Variants in SGF29 observed in about 807,000 individuals in gnomAD.
SGF29 encodes the protein SAGA complex associated factor 29.
Under a neutral mutation model 38.1 loss-of-function variants are expected in SGF29, and 15 were observed. That is an observed-to-expected ratio of 0.39 (90% CI 0.26 to 0.61). The LOEUF is 0.61. Among genes scored for constraint, SGF29 ranks in the 20% least tolerant of loss-of-function variants. The pLI is 0.49. For synonymous variants in SGF29, 151 were observed against 160.8 expected, an observed-to-expected ratio of 0.94 and a Z score of 0.46; for missense variants, 184 against 394.6, an observed-to-expected ratio of 0.47 and a Z score of 4.52.
chr16:28,572,958 G>A lies in SGF29; in HGVS notation c.-15-8097G>A, dbSNP rs1411681814. Among the ~76,000 whole-genome samples, 5 of 151,638 alleles carry A rather than the reference G, an allele frequency of 3.3e-5. No homozygotes were observed. In the South Asian group the frequency reaches 8.3e-4, roughly 25 times the overall value. On this transcript the variant is annotated intron_variant, in intron 1 of 9. Transcript: ENST00000317058. ...GCACCCCCCATACCCCTTCTTGCTC[G>A]CTGGCCTCCCAGCTGTACTCCCAGA...
chr16:28,584,774 G>C (rs1403045871), intron 2 of SGF29, 139 bp from the exon 3 acceptor site: 1 of 574,526 alleles, frequency 1.7e-6, no homozygotes, highest in Non-Finnish European at 3.0e-6. Context: ...GGGCGACAGA[G>C]TGAGACTCCA....
chr16:28,557,462 C>T (rs922295955), intron 1 of SGF29, among the ~76,000 whole-genome samples: 2 of 152,226 alleles, frequency 1.3e-5, no homozygotes, highest in African/African-American at 4.8e-5. Context: ...CATCTGTATC[C>T]ATTGTGACAT....
intron 1 of SGF29, among the ~76,000 whole-genome samples, chr16:28,568,897 G>A (rs181414663): frequency 3.3e-5 from 5 of 150,520 alleles, no homozygotes; most frequent in African/African-American, 4.9e-5. Flanking sequence ...TGATGACAGA[G>A]TAAGACTCCA....
At chr16:28,554,701 G>GGCT (rs2046736679) in intron 1 of SGF29, among the ~76,000 whole-genome samples, 2 of 152,082 alleles carry the variant, frequency 1.3e-5, no homozygotes, top group South Asian at 4.1e-4. Context: ...TGCAGCCAAA[G>GGCT]GCCTTAGTCT....
At chr16:28,584,786 C>T (rs1446013745) in intron 2 of SGF29, 127 bp from the exon 3 acceptor site, 11 of 555,930 alleles carry the variant, frequency 2.0e-5, no homozygotes, top group Non-Finnish European at 2.7e-5. Flanking sequence ...GAGACTCCAT[C>T]TCAAAAAAAA....
At position 28,581,093 on chromosome 16, in the gene SGF29, C is replaced by T. The variant is rs773731587; in HGVS notation, c.24C>T (p.Ser8=). MALVSAD[S]RIAELLTELH... Reference sequence around the variant, plus strand: ...CAATGGCCCTCGTGTCTGCCGATTCCCGCATTGCAGAACTTCTCACAGAGC... The same window carrying T: ...CAATGGCCCTCGTGTCTGCCGATTCTCGCATTGCAGAACTTCTCACAGAGC... The change falls in exon 2 of 10, where the codon TCC becomes TCT. Residue 8 remains serine (S), a synonymous_variant. Transcript: ENST00000317058. 8.1e-6 allele frequency: 13 copies of T among 1,614,104 alleles called. No homozygotes were observed. In the East Asian group the frequency reaches 2.2e-4, roughly 28 times the overall value.
At chr16:28,591,259 G>A (rs2046988887) in intron 9 of SGF29, among the ~76,000 whole-genome samples, 1 of 152,140 alleles carries the variant, frequency 6.6e-6, no homozygotes, top group East Asian at 1.9e-4. Flanking sequence ...CTGAGGCCAG[G>A]ATCCCTGCCT....
intron 4 of SGF29, among the ~76,000 whole-genome samples, 171 bp downstream of exon 4, chr16:28,585,891 TC>T (rs1234925457): frequency 6.6e-6 from 1 of 152,178 alleles, no homozygotes; most frequent in Non-Finnish European, 1.5e-5. Context: ...GGCCCACTCT[TC>T]CAGTTACCTC....
At chr16:28,585,773 G>A in intron 4 of SGF29, 53 bp downstream of exon 4, 1 of 1,531,500 alleles carries the variant, frequency 6.5e-7, no homozygotes, top group East Asian at 2.2e-5. Context: ...TGGGGGCTGG[G>A]CTGCAGGTCC....
At chr16:28,577,802 T>C (rs2046903490) in intron 1 of SGF29, among the ~76,000 whole-genome samples, 1 of 152,230 alleles carries the variant, frequency 6.6e-6, no homozygotes, top group Admixed American at 6.5e-5. Context: ...TTTTTGTATA[T>C]GGGCTGAGAT....
Position 28,570,544 on chromosome 16 carries a change from T to TTTTATTTATTTA in SGF29, c.-15-10474_-15-10463dup, listed in dbSNP as rs61126025. Among the ~76,000 whole-genome samples the TTTTATTTATTTA allele has an allele frequency of 2.1e-3, 292 of 137,664 alleles. 1 individual carries two copies. Among genetic ancestry groups the TTTTATTTATTTA allele is most frequent in the Middle Eastern group, 3.5e-3 (1 of 284 alleles). 90.3% of individuals were successfully genotyped at this position (137,664 alleles called of 152,430 possible). On this transcript the variant is annotated intron_variant, in intron 1 of 9. Coordinates refer to ENST00000317058, the MANE Select transcript of SGF29 (RefSeq NM_138414.3). Reference sequence around the variant, plus strand: ...TGATTGATTGATTGATTTTTTTAAATTTTATTTATTTATTTATTTATTTAT... The same window carrying TTTTATTTATTTA: ...TGATTGATTGATTGATTTTTTTAAATTTTATTTATTTATTTATTTATTTATTTATTTATTTAT...
At chr16:28,587,615 C>T (rs1349783279) in intron 4 of SGF29, among the ~76,000 whole-genome samples, 1 of 152,184 alleles carries the variant, frequency 6.6e-6, no homozygotes, top group Non-Finnish European at 1.5e-5. Context: ...CCTGGGGCAC[C>T]CCCGGACACC....
At chr16:28,555,585 G>A (rs1490893762) in intron 1 of SGF29, among the ~76,000 whole-genome samples, 1 of 152,218 alleles carries the variant, frequency 6.6e-6, no homozygotes, top group African/African-American at 2.4e-5. Flanking sequence ...GAGATTTATT[G>A]TGATGGATTG....
intron 1 of SGF29, among the ~76,000 whole-genome samples, chr16:28,566,214 C>G (rs1186534420): frequency 6.6e-6 from 1 of 150,914 alleles, no homozygotes; most frequent in Non-Finnish European, 1.5e-5. Flanking sequence ...GCAGAGCTTG[C>G]AGTGAGCCAA....
chr16:28,562,721 G>C (rs1346001092), intron 1 of SGF29, among the ~76,000 whole-genome samples: 1 of 151,850 alleles, frequency 6.6e-6, no homozygotes, highest in Non-Finnish European at 1.5e-5. Flanking sequence ...TGGGCAACAA[G>C]GCAAGACCTC....
At chr16:28,559,889 G>T (rs986755536) in intron 1 of SGF29, among the ~76,000 whole-genome samples, 1 of 152,112 alleles carries the variant, frequency 6.6e-6, no homozygotes, top group African/African-American at 2.4e-5. Flanking sequence ...ACAGAATCCA[G>T]AGTCTACAAC....
At chr16:28,564,746 T>TATATATATGTATATATAC (rs1555474926) in intron 1 of SGF29, among the ~76,000 whole-genome samples, 1 of 24,866 alleles carries the variant, frequency 4.0e-5, no homozygotes, top group South Asian at 1.6e-3. Flanking sequence ...TGTATATATG[T>TATATATATGTATATATAC]ATATATATGT....
At chr16:28,582,678 T>G (rs917761867) in intron 2 of SGF29, among the ~76,000 whole-genome samples, 1 of 152,184 alleles carries the variant, frequency 6.6e-6, no homozygotes, top group African/African-American at 2.4e-5. Context: ...GCGTGGTAAC[T>G]CATGCCTGTA....
chr16:28,577,135 T>C (rs528238624), intron 1 of SGF29, among the ~76,000 whole-genome samples: 1 of 151,680 alleles, frequency 6.6e-6, no homozygotes, highest in South Asian at 2.1e-4. Context: ...GCCATTGCAC[T>C]CCAGCCTCGG....
Sources: allele counts gnomAD v4.1 joint callset (sites outside exome capture counted in the v4.1 genomes callset), GRCh38; gene constraint gnomAD v4.1.1; transcripts MANE v1.5; gene names NCBI Gene and HGNC (gene_info 2026-07-23, HGNC 2026-07-21).